HESX1: variants seen among roughly 807,000 people sequenced by gnomAD.
HESX1 encodes HESX homeobox 1.
Under a neutral mutation model 22.5 loss-of-function variants are expected in HESX1, and 11 were observed. The observed-to-expected ratio is 0.49, with a 90% confidence interval of 0.31 to 0.81. The LOEUF (loss-of-function observed/expected upper bound fraction) is 0.81, where lower values mean the gene tolerates loss of function less well. Among genes scored for constraint, HESX1 ranks in the 30% least tolerant of loss-of-function variants. The pLI, the probability that HESX1 is intolerant of heterozygous loss-of-function variation, is 0.05. For synonymous variants in HESX1, 74 were observed against 76.5 expected (o/e 0.97, Z 0.17); for missense variants, 201 against 212.6 (o/e 0.95, Z 0.34).
Position 57,198,762 on chromosome 3 carries a change from A to G in HESX1, c.348T>C (p.Thr116=), listed in dbSNP as rs1450755498. The G allele has an allele frequency of 6.2e-7, 1 of 1,613,822 alleles. No homozygotes were observed. Among genetic ancestry groups the G allele is most frequent in the Non-Finnish European group, 8.5e-7 (1 of 1,179,958 alleles). ...TGAAAAAACTTCCCACCTGGTTTTGAGTAAAAGCAGTTCTTGGTCTTCGGC... is the reference window on the plus strand; with the variant it reads ...TGAAAAAACTTCCCACCTGGTTTTGGGTAAAAGCAGTTCTTGGTCTTCGGC... The part of the protein sequence containing the change: ...YRGRRPRTAF[T]QNQIEVLENV... Residue 116 remains threonine (T), a synonymous_variant, in exon 2 of 4, where the codon ACT becomes ACC. Coordinates refer to ENST00000295934, the MANE Select transcript of HESX1 (RefSeq NM_003865.3).
chr3:57,198,930 T>C lies in HESX1; in HGVS notation c.180A>G (p.Leu60=). The C allele has an allele frequency of 1.2e-6, 2 of 1,614,118 alleles. No individual in the cohort carries two copies. The highest frequency in any genetic ancestry group is 1.7e-6 in the Non-Finnish European group (2 of 1,179,994). ...SSSGKDGNLC[L]HVPNPPSGIS... Reference sequence around the variant, plus strand: ...TCCCACTGGGAGGATTTGGGACATGTAGACATAAGTTACCATCTTTCCCTA... The same window carrying C: ...TCCCACTGGGAGGATTTGGGACATGCAGACATAAGTTACCATCTTTCCCTA... Residue 60 remains leucine (L), a synonymous_variant, in exon 2 of 4, where the codon CTA becomes CTG. Coordinates refer to ENST00000295934, the MANE Select transcript of HESX1 (RefSeq NM_003865.3).
At chr3:57,212,343 G>A (rs1346771417) in intron 1 of HESX1, among the ~76,000 whole-genome samples, 1 of 151,916 alleles carries the variant, frequency 6.6e-6, no homozygotes, top group Admixed American at 6.6e-5. Context: ...GGTGGATCAC[G>A]AGGTCAAGAG....
chr3:57,203,764 A>C (rs1190557721), upstream of HESX1, among the ~76,000 whole-genome samples: 1 of 152,178 alleles, frequency 6.6e-6, no homozygotes, highest in East Asian at 1.9e-4. Flanking sequence ...CATGTTGGTC[A>C]GGCTGGTCTT....
chr3:57,201,002 T>C (rs533459826), upstream of HESX1, among the ~76,000 whole-genome samples: 203 of 152,352 alleles, frequency 1.3e-3, 3 homozygotes, highest in African/African-American at 4.7e-3. Context: ...ACTTGTAGTT[T>C]TTATACTCTG....
chr3:57,221,569 C>G (rs1323231971), intron 1 of HESX1, among the ~76,000 whole-genome samples: 1 of 152,282 alleles, frequency 6.6e-6, no homozygotes, highest in East Asian at 1.9e-4. Context: ...TCATAGCTCA[C>G]TACAGCCTTG....
intron 1 of HESX1, among the ~76,000 whole-genome samples, chr3:57,216,499 A>C (rs1337590645): frequency 6.6e-6 from 1 of 152,090 alleles, no homozygotes; most frequent in Non-Finnish European, 1.5e-5. Context: ...GTAGTCCCAG[A>C]TACCTAGGAG....
At chr3:57,221,297 G>A (rs2060614641) in intron 1 of HESX1, among the ~76,000 whole-genome samples, 1 of 151,568 alleles carries the variant, frequency 6.6e-6, no homozygotes, top group African/African-American at 2.4e-5. Flanking sequence ...AGGACCATAG[G>A]TACACACCAC....
At chr3:57,225,566 C>T (rs937727934) in intron 1 of HESX1, among the ~76,000 whole-genome samples, 2 of 152,140 alleles carry the variant, frequency 1.3e-5, no homozygotes, top group Non-Finnish European at 2.9e-5. Flanking sequence ...TGGTCTCCAT[C>T]TCTTGACCTC....
chr3:57,203,891 A>G (rs932777413), upstream of HESX1, among the ~76,000 whole-genome samples: 3 of 151,878 alleles, frequency 2.0e-5, no homozygotes, highest in Non-Finnish European at 4.4e-5. Context: ...GGCTGGTCTC[A>G]AACTCCTGAC....
intron 1 of HESX1, among the ~76,000 whole-genome samples, chr3:57,218,126 C>G (rs546927359): frequency 1.4e-4 from 21 of 152,222 alleles, no homozygotes; most frequent in Non-Finnish European, 2.1e-4. Context: ...ATTTTTGGTT[C>G]AGGGGTACAC....
intron 1 of HESX1, 136 bp downstream of exon 1, chr3:57,199,626 A>AG: frequency 3.8e-6 from 2 of 528,372 alleles, no homozygotes; most frequent in Non-Finnish European, 5.4e-6. Flanking sequence ...TCTCAGAAAA[A>AG]AAAAAAAAAT....
intron 1 of HESX1, among the ~76,000 whole-genome samples, chr3:57,218,496 T>G (rs1378035939): frequency 1.4e-5 from 2 of 145,126 alleles, no homozygotes; most frequent in Admixed American, 7.6e-5. Flanking sequence ...CAGGCTGGAG[T>G]GCAGTAGCGT....
chr3:57,206,955 T>C (rs1357638795), intron 1 of HESX1, among the ~76,000 whole-genome samples: 32 of 152,028 alleles, frequency 2.1e-4, no homozygotes. Context: ...TCAGTAGCAG[T>C]ATAATTTTTT....
At chr3:57,209,219 A>T (rs947442295) in intron 1 of HESX1, among the ~76,000 whole-genome samples, 1 of 152,248 alleles carries the variant, frequency 6.6e-6, no homozygotes, top group Non-Finnish European at 1.5e-5. Context: ...AATTAAGTTT[A>T]ATTTAATTTA....
upstream of HESX1, among the ~76,000 whole-genome samples, chr3:57,202,538 T>C (rs937156456): frequency 1.3e-5 from 2 of 152,158 alleles, no homozygotes; most frequent in African/African-American, 2.4e-5. Flanking sequence ...GGTTTCACCA[T>C]GTTGGCCAGG....
In HESX1 at chr3:57,198,816, A is replaced by G. The variant is rs751110477; in HGVS notation, c.294T>C (p.Ser98=). ...ENYFSASERL[S]LKRELSWYRG... ...TATACCAACTCAACTCTCTTTTCAA[A>G]GACAGTCTTTCTGAGGCTGAAAAGT... The change falls in exon 2 of 4, where the codon TCT becomes TCC. Residue 98 remains serine, a synonymous_variant. Transcript: ENST00000295934. 8.7e-6 allele frequency: 14 copies of G among 1,614,052 alleles called. No individual in the cohort carries two copies. In the South Asian group the frequency reaches 1.4e-4, roughly 16 times the overall value.
chr3:57,226,161 A>T (rs1331898745), intron 1 of HESX1: 5 of 150,956 alleles, frequency 3.3e-5, no homozygotes, highest in Admixed American at 1.3e-4. Flanking sequence ...TACAGGCGTG[A>T]GCCACAGCGC....
intron 1 of HESX1, among the ~76,000 whole-genome samples, chr3:57,207,375 G>C (rs1010830357): frequency 1.3e-5 from 2 of 152,178 alleles, no homozygotes; most frequent in African/African-American, 4.8e-5. Flanking sequence ...TTCAGGCCCA[G>C]CTATTAAAAG....
At chr3:57,222,316 C>T (rs1017220244) in intron 1 of HESX1, among the ~76,000 whole-genome samples, 3 of 152,030 alleles carry the variant, frequency 2.0e-5, no homozygotes, top group South Asian at 2.1e-4. Context: ...TGGAGTACAG[C>T]GGCAAGATCA....
Sources: allele counts gnomAD v4.1 joint callset (sites outside exome capture counted in the v4.1 genomes callset), GRCh38; gene constraint gnomAD v4.1.1; transcripts MANE v1.5; gene names NCBI Gene and HGNC (gene_info 2026-07-23, HGNC 2026-07-21).